The following LRRC1 variants were observed in gnomAD, a reference collection of about 807,000 sequenced individuals.
LRRC1 encodes the protein leucine-rich repeat-containing protein 1.
A neutral mutation model predicts 69.9 loss-of-function variants in LRRC1; 28 were observed. That is an observed-to-expected ratio of 0.40 (90% confidence interval 0.30 to 0.55). LRRC1 has a LOEUF of 0.55. Ranked by LOEUF, LRRC1 falls within the 20% of genes least tolerant of loss-of-function variation. The pLI is 0.47. For synonymous variants in LRRC1, 236 were observed against 240.2 expected (o/e 0.98, Z 0.16); for missense variants, 498 against 609.0 (o/e 0.82, Z 1.92).
chr6:53,905,409 G>T (rs915496321), intron 10 of LRRC1: 2 of 151,776 alleles, frequency 1.3e-5, no homozygotes, highest in Admixed American at 1.3e-4. Flanking sequence ...GAAGTGCTTG[G>T]TTGGAGAAGG....
At chr6:53,893,106 C>T (rs1767756471) in intron 4 of LRRC1, among the ~76,000 whole-genome samples, 1 of 152,146 alleles carries the variant, frequency 6.6e-6, no homozygotes, top group Admixed American at 6.5e-5. Context: ...TTTCTGAAGA[C>T]CCTGACTCAA....
chr6:53,867,331 G>C (rs1268476023), intron 2 of LRRC1, among the ~76,000 whole-genome samples: 1 of 152,034 alleles, frequency 6.6e-6, no homozygotes, highest in South Asian at 2.1e-4. Context: ...CAGTGAGGCT[G>C]GAACCAGGAG....
intron 1 of LRRC1, among the ~76,000 whole-genome samples, chr6:53,803,781 A>G (rs1392271625): frequency 6.6e-6 from 1 of 152,166 alleles, no homozygotes; most frequent in Non-Finnish European, 1.5e-5. Flanking sequence ...TGGTAAGTGG[A>G]AGGTGGTGTT....
intron 2 of LRRC1, among the ~76,000 whole-genome samples, chr6:53,877,414 A>C (rs1290966950): frequency 6.6e-6 from 1 of 152,166 alleles, no homozygotes; most frequent in Admixed American, 6.5e-5. Context: ...CTCGTTACTT[A>C]TGCAAGTTTC....
chr6:53,805,660 G>T (rs1764616708), intron 1 of LRRC1, among the ~76,000 whole-genome samples: 1 of 152,186 alleles, frequency 6.6e-6, no homozygotes, highest in South Asian at 2.1e-4. Context: ...TCATGAAGTT[G>T]TATGAAAGTT....
intron 1 of LRRC1, among the ~76,000 whole-genome samples, chr6:53,802,848 T>A (rs1051446798): frequency 6.6e-6 from 1 of 152,208 alleles, no homozygotes; most frequent in African/African-American, 2.4e-5. Context: ...CTAGAGTAAC[T>A]TGAAACTCAT....
chr6:53,877,811 G>A (rs537892506), intron 2 of LRRC1, among the ~76,000 whole-genome samples: 60 of 152,210 alleles, frequency 3.9e-4, no homozygotes, highest in African/African-American at 1.3e-3. Flanking sequence ...ACTTTCCCAC[G>A]TTTTCCTGTC....
At chr6:53,812,606 C>T (rs1190689665) in intron 1 of LRRC1, among the ~76,000 whole-genome samples, 6 of 143,084 alleles carry the variant, frequency 4.2e-5, no homozygotes, top group Admixed American at 1.5e-4. Flanking sequence ...AGGAGAATGG[C>T]GTGAACCCGG....
chr6:53,921,153 A>C (rs1399374258), intron 13 of LRRC1, among the ~76,000 whole-genome samples: 2 of 151,992 alleles, frequency 1.3e-5, no homozygotes, highest in East Asian at 3.9e-4. Context: ...TTTTTTGTAG[A>C]GATGACGTTT....
intron 1 of LRRC1, among the ~76,000 whole-genome samples, chr6:53,802,363 A>G (rs1329715257): frequency 6.6e-6 from 1 of 152,064 alleles, no homozygotes; most frequent in Non-Finnish European, 1.5e-5. Context: ...TAAAGTTTTT[A>G]CCGCTGGGAG....
At chr6:53,810,002 G>A (rs1197441245) in intron 1 of LRRC1, among the ~76,000 whole-genome samples, 1 of 152,268 alleles carries the variant, frequency 6.6e-6, no homozygotes, top group African/African-American at 2.4e-5. Flanking sequence ...AAGGCTGACA[G>A]TGACAGTGTC....
intron 11 of LRRC1, among the ~76,000 whole-genome samples, chr6:53,916,774 GTTAATA>G (rs1237480647): frequency 6.6e-6 from 1 of 152,188 alleles, no homozygotes; most frequent in Non-Finnish European, 1.5e-5. Flanking sequence ...CACTGGTGAA[GTTAATA>G]TTAATCAGTA....
At chr6:53,856,551 A>G (rs899667671) in intron 2 of LRRC1, among the ~76,000 whole-genome samples, 3 of 152,194 alleles carry the variant, frequency 2.0e-5, no homozygotes, top group African/African-American at 7.2e-5. Flanking sequence ...TCAGAAGGTC[A>G]TTTCTGGGCA....
At chr6:53,848,467 G>A (rs1308982766) in intron 2 of LRRC1, among the ~76,000 whole-genome samples, 9 of 152,110 alleles carry the variant, frequency 5.9e-5, no homozygotes, top group Non-Finnish European at 1.2e-4. Flanking sequence ...CATTTCAAAC[G>A]CTGAAAACGT....
intron 1 of LRRC1, among the ~76,000 whole-genome samples, chr6:53,837,695 G>A (rs6910777): frequency 0.37 from 56,429 of 151,902 alleles, 10,950 homozygotes; most frequent in East Asian, 0.64. Flanking sequence ...TAATAAAAGG[G>A]GACCCAGCTC....
chr6:53,895,303 G>A (rs1327385473), intron 4 of LRRC1, among the ~76,000 whole-genome samples: 2 of 152,212 alleles, frequency 1.3e-5, no homozygotes, highest in Admixed American at 1.3e-4. Flanking sequence ...ATTGGAGAAG[G>A]AGATGCAGGA....
chr6:53,822,288 G>A (rs1227003284), intron 1 of LRRC1, among the ~76,000 whole-genome samples: 2 of 152,154 alleles, frequency 1.3e-5, no homozygotes, highest in African/African-American at 4.8e-5. Context: ...CTTCTTTAGT[G>A]TTTAAACAGA....
At chr6:53,817,857 A>G (rs1366964973) in intron 1 of LRRC1, among the ~76,000 whole-genome samples, 1 of 152,216 alleles carries the variant, frequency 6.6e-6, no homozygotes, top group Non-Finnish European at 1.5e-5. Context: ...GGTACTAAAA[A>G]AAAATGATCA....
chr6:53,890,316 G>T (rs1767633893), intron 4 of LRRC1, among the ~76,000 whole-genome samples: 1 of 152,152 alleles, frequency 6.6e-6, no homozygotes, highest in Non-Finnish European at 1.5e-5. Flanking sequence ...GTCACTAAAA[G>T]GTCATTATCA....
Sources: allele counts gnomAD v4.1 joint callset (sites outside exome capture counted in the v4.1 genomes callset), GRCh38; gene constraint gnomAD v4.1.1; transcripts MANE v1.5; gene names NCBI Gene and HGNC (gene_info 2026-07-23, HGNC 2026-07-21).